M1AP: variants seen among roughly 807,000 people sequenced by gnomAD.
M1AP encodes meiosis 1 arrest protein.
Under a neutral mutation model 51.2 loss-of-function variants are expected in M1AP, and 39 were observed. The ratio of observed to expected loss-of-function variants is 0.76; its 90% confidence interval spans 0.59 to 1.00. M1AP has a LOEUF of 1.00. M1AP is among the 50% of genes least tolerant of loss of function. The pLI, the probability that M1AP is intolerant of heterozygous loss-of-function variation, is 0.00. For synonymous variants in M1AP, 251 were observed against 249.2 expected (o/e 1.01, Z -0.07); for missense variants, 545 against 641.2 (o/e 0.85, Z 1.62).
chr2:74,634,703 T>C (rs1682883307), intron 2 of M1AP, among the ~76,000 whole-genome samples: 1 of 152,116 alleles, frequency 6.6e-6, no homozygotes, highest in Non-Finnish European at 1.5e-5. Context: ...TTATCATGAG[T>C]GGACGTTGAA....
In M1AP at chr2:74,607,125, G is replaced by C; in HGVS notation, c.525C>G (p.Val175=). The change falls in exon 4 of 11, where the codon GTC becomes GTG. Residue 175 remains valine (V), a synonymous_variant. Coordinates refer to ENST00000421985, the MANE Select transcript of M1AP (RefSeq NM_001321739.2). The part of the protein sequence containing the change: ...TDLARVRRFQ[V]VEVTKGILEH... ...CTAGGATTCCCTTTGTGACCTCAAC[G>C]ACCTGAAACCTCCTGACTCTGGCTA... The C allele has an allele frequency of 6.2e-7, 1 of 1,614,054 alleles. No homozygotes were observed. Among genetic ancestry groups the C allele is most frequent in the Admixed American group, 1.7e-5 (1 of 60,016 alleles).
At chr2:74,630,100 C>A (rs1682617867) in intron 2 of M1AP, among the ~76,000 whole-genome samples, 1 of 152,034 alleles carries the variant, frequency 6.6e-6, no homozygotes, top group Admixed American at 6.6e-5. Context: ...ACCACCATGT[C>A]TTTTAAAAAA....
At chr2:74,559,473 T>C (rs1677761492) in intron 10 of M1AP, among the ~76,000 whole-genome samples, 1 of 152,152 alleles carries the variant, frequency 6.6e-6, no homozygotes, top group African/African-American at 2.4e-5. Context: ...AATGAGAATT[T>C]TTCTAAAGGC....
At chr2:74,611,882 G>GGTTTTT (rs1394938077) in intron 3 of M1AP, among the ~76,000 whole-genome samples, 3 of 42,940 alleles carry the variant, frequency 7.0e-5, no homozygotes, top group Non-Finnish European at 1.1e-4. Context: ...ACAAAAAAGT[G>GGTTTTT]TTTTTTTTTT....
intron 2 of M1AP, among the ~76,000 whole-genome samples, chr2:74,635,871 TGTTTAA>T (rs908750642): frequency 1.9e-4 from 29 of 152,268 alleles, no homozygotes; most frequent in Admixed American, 1.0e-3. Flanking sequence ...TTTTAAAGTT[TGTTTAA>T]GTTTCTTTCC....
At chr2:74,593,212 G>A (rs551012321) in intron 4 of M1AP, among the ~76,000 whole-genome samples, 19 of 151,980 alleles carry the variant, frequency 1.3e-4, no homozygotes, top group Non-Finnish European at 2.4e-4. Flanking sequence ...GAGATATGAT[G>A]GAGAACGTGA....
At position 74,628,530 on chromosome 2, in the gene M1AP, C is replaced by CA. The variant is rs142731252; in HGVS notation, c.240+11505dup. 1,465 of 485,568 alleles carry CA rather than the reference C, an allele frequency of 3.0e-3. 22 individuals are homozygous for CA. The highest frequency in any genetic ancestry group is 0.027 in the African/African-American group (1,351 of 50,206). The allele number at this position is 485,568 out of a possible 1,614,324, so 30.1% of individuals were successfully genotyped here. ...CAAGGCACTAAAGGCAAATATCACC[C>CA]AAAGCACTGCACAGACTGTAAGTCC... On this transcript the variant is annotated intron_variant, in intron 2 of 10. Transcript: ENST00000421985.
intron 2 of M1AP, among the ~76,000 whole-genome samples, chr2:74,638,952 T>C (rs577302530): frequency 1.3e-5 from 2 of 152,226 alleles, no homozygotes; most frequent in Non-Finnish European, 2.9e-5. Context: ...ATTTCTTAAA[T>C]AATTTTATCC....
intron 1 of M1AP, among the ~76,000 whole-genome samples, chr2:74,642,818 G>A (rs1194276289): frequency 1.3e-5 from 2 of 152,152 alleles, no homozygotes; most frequent in Non-Finnish European, 2.9e-5. Context: ...CGATGACAAA[G>A]TTTCCCTTTC....
intron 7 of M1AP, among the ~76,000 whole-genome samples, chr2:74,569,203 A>G (rs1260792582): frequency 3.3e-5 from 5 of 152,206 alleles, no homozygotes; most frequent in African/African-American, 1.2e-4. Context: ...AAATTGTAGA[A>G]CTGCTAACCA....
intron 1 of M1AP, 45 bp downstream of exon 1, chr2:74,648,220 C>A (rs1683718947): frequency 4.1e-6 from 4 of 969,128 alleles, no homozygotes; most frequent in Non-Finnish European, 4.9e-6. Context: ...GTGGTGCCGG[C>A]TGCTCTCGGG....
At chr2:74,575,610 C>T in intron 6 of M1AP, 31 bp from the exon 7 acceptor site, 1 of 1,562,028 alleles carries the variant, frequency 6.4e-7, no homozygotes. Context: ...TCAAAGACTC[C>T]TTAGTGATAT....
intron 7 of M1AP, among the ~76,000 whole-genome samples, chr2:74,571,091 A>G (rs569103754): frequency 3.3e-5 from 5 of 152,346 alleles, no homozygotes; most frequent in African/African-American, 1.2e-4. Flanking sequence ...GAATGCTTCA[A>G]GGAGATTAAG....
Position 74,594,185 on chromosome 2 carries a change from T to G in M1AP, c.596-12338A>C, listed in dbSNP as rs114507736. On this transcript the variant is annotated intron_variant, in intron 4 of 10. Transcript: ENST00000421985. ...ATCAACACTTTTCAGAGCAATATAA[T>G]AGAATCCAGAGTCTTTATAACACAA... is the stretch of plus-strand genomic sequence containing the variant. Among the ~76,000 whole-genome samples, 937 of 152,234 alleles carry G rather than the reference T, an allele frequency of 6.2e-3. 13 individuals carry two copies. Among genetic ancestry groups the G allele is most frequent in the African/African-American group, 0.022 (898 of 41,536 alleles).
At chr2:74,618,836 CCCAT>C (rs1161101873) in intron 2 of M1AP, 2 of 438,912 alleles carry the variant, frequency 4.6e-6, no homozygotes, top group African/African-American at 4.1e-5. Flanking sequence ...TCCCTCTTAT[CCCAT>C]CTGGTTAAGA....
At chr2:74,637,976 A>G (rs1683079333) in intron 2 of M1AP, among the ~76,000 whole-genome samples, 1 of 152,174 alleles carries the variant, frequency 6.6e-6, no homozygotes, top group African/African-American at 2.4e-5. Flanking sequence ...TGACTCAAGG[A>G]AACCACTGGC....
intron 2 of M1AP, among the ~76,000 whole-genome samples, chr2:74,619,761 T>A (rs1188824127): frequency 6.6e-6 from 1 of 152,144 alleles, no homozygotes; most frequent in African/African-American, 2.4e-5. Context: ...TTACCAGACA[T>A]ATTGAAGAAT....
intron 4 of M1AP, among the ~76,000 whole-genome samples, chr2:74,600,447 T>C (rs752553119): frequency 6.6e-6 from 1 of 152,222 alleles, no homozygotes; most frequent in Non-Finnish European, 1.5e-5. Context: ...ATGGCTCTTC[T>C]ATGGGGTTAA....
At chr2:74,623,292 T>C (rs1435352244) in intron 2 of M1AP, among the ~76,000 whole-genome samples, 1 of 151,974 alleles carries the variant, frequency 6.6e-6, no homozygotes, top group African/African-American at 2.4e-5. Context: ...CTGCTTGAGC[T>C]CAAGAGTTCA....
Sources: gnomAD v4.1 joint callset for allele counts (sites outside exome capture counted in the v4.1 genomes callset) on GRCh38, gnomAD v4.1.1 for gene constraint, MANE v1.5 for transcripts, NCBI Gene and HGNC (gene_info 2026-07-23, HGNC 2026-07-21) for gene names.